NRG3: variants seen among roughly 807,000 people sequenced by gnomAD.
NRG3 encodes the protein pro-neuregulin-3, membrane-bound isoform.
In NRG3, 31 loss-of-function variants were observed where a neutral mutation model predicts 66.9. The ratio of observed to expected loss-of-function variants is 0.46; its 90% CI spans 0.35 to 0.63. NRG3 has a LOEUF of 0.63. Among genes scored for constraint, NRG3 ranks in the 20% least tolerant of loss-of-function variants. The pLI is 0.00. For synonymous variants in NRG3, 393 were observed against 359.4 expected (o/e 1.09, Z -1.06); for missense variants, 910 against 878.9 (o/e 1.04, Z -0.45).
intron 1 of NRG3, among the ~76,000 whole-genome samples, chr10:82,182,718 A>G (rs2073516357): frequency 6.6e-6 from 1 of 151,944 alleles, no homozygotes; most frequent in African/African-American, 2.4e-5. Context: ...ATTTATCTTT[A>G]CCAGTGAACT....
chr10:82,685,824 A>C (rs2134160831), intron 2 of NRG3, among the ~76,000 whole-genome samples: 1 of 152,120 alleles, frequency 6.6e-6, no homozygotes, highest in Non-Finnish European at 1.5e-5. Context: ...CTTTTTTCTT[A>C]AAAGCTGAGA....
intron 1 of NRG3, among the ~76,000 whole-genome samples, chr10:82,140,842 A>G (rs1555239): frequency 0.017 from 2,636 of 152,258 alleles, 82 homozygotes; most frequent in African/African-American, 0.059. Context: ...TTGTGCTGCT[A>G]ATGTCTCTTA....
At chr10:82,102,269 T>C (rs576523778) in intron 1 of NRG3, among the ~76,000 whole-genome samples, 1 of 149,734 alleles carries the variant, frequency 6.7e-6, no homozygotes, top group South Asian at 2.1e-4. Flanking sequence ...TTGTCTGATA[T>C]TGATATAGCC....
intron 1 of NRG3, among the ~76,000 whole-genome samples, chr10:81,922,083 C>G (rs1031329317): frequency 2.0e-5 from 3 of 151,868 alleles, no homozygotes; most frequent in African/African-American, 7.3e-5. Flanking sequence ...GTTTAAATGC[C>G]CACTATTGCT....
chr10:82,594,308 C>T (rs1281931122), intron 2 of NRG3, among the ~76,000 whole-genome samples: 1 of 152,124 alleles, frequency 6.6e-6, no homozygotes, highest in African/African-American at 2.4e-5. Flanking sequence ...TAGCCCCTGT[C>T]TAGCCTATCC....
At chr10:82,962,728 A>C (rs544821743) in intron 6 of NRG3, among the ~76,000 whole-genome samples, 10 of 152,014 alleles carry the variant, frequency 6.6e-5, no homozygotes, top group African/African-American at 2.4e-4. Context: ...AATTCCAGCT[A>C]CTCGGGAGGT....
intron 4 of NRG3, among the ~76,000 whole-genome samples, chr10:82,942,971 G>GT (rs1200813674): frequency 6.6e-6 from 1 of 151,174 alleles, no homozygotes; most frequent in Non-Finnish European, 1.5e-5. Flanking sequence ...AAAAAAATGA[G>GT]TTAAAAAAAA....
intron 4 of NRG3, among the ~76,000 whole-genome samples, chr10:82,939,482 TG>T (rs200247328): frequency 0.09 from 13,671 of 152,090 alleles, 825 homozygotes; most frequent in African/African-American, 0.15. Flanking sequence ...TTGTTGTTGT[TG>T]TTGTTTGAGA....
intron 3 of NRG3, among the ~76,000 whole-genome samples, chr10:82,836,248 T>C (rs184663103): frequency 6.6e-6 from 1 of 152,218 alleles, no homozygotes; most frequent in East Asian, 1.9e-4. Flanking sequence ...ATATTTACTA[T>C]CTGGCCTTTT....
At chr10:82,591,147 C>T (rs141604354) in intron 2 of NRG3, among the ~76,000 whole-genome samples, 279 of 152,258 alleles carry the variant, frequency 1.8e-3, no homozygotes, top group African/African-American at 6.4e-3. Context: ...GAGCATACGG[C>T]CCGGGTGACG....
At chr10:82,903,062 T>C (rs1422163437) in intron 4 of NRG3, among the ~76,000 whole-genome samples, 1 of 152,104 alleles carries the variant, frequency 6.6e-6, no homozygotes, top group Non-Finnish European at 1.5e-5. Context: ...ACAAATTTAC[T>C]ATAAAAAGTT....
At chr10:81,904,889 G>A (rs986917711) in intron 1 of NRG3, among the ~76,000 whole-genome samples, 1 of 152,068 alleles carries the variant, frequency 6.6e-6, no homozygotes, top group Admixed American at 6.6e-5. Context: ...GTTGCTGTGA[G>A]AATGAAAAGA....
intron 2 of NRG3, among the ~76,000 whole-genome samples, chr10:82,549,991 A>T (rs942251040): frequency 4.1e-4 from 62 of 152,226 alleles, no homozygotes; most frequent in African/African-American, 1.4e-3. Flanking sequence ...AAAAATAAGG[A>T]TTGTGTTGCT....
At chr10:82,724,106 A>C (rs1591316846) in intron 2 of NRG3, among the ~76,000 whole-genome samples, 1 of 152,228 alleles carries the variant, frequency 6.6e-6, no homozygotes, top group East Asian at 1.9e-4. Context: ...ATTTTTGTAT[A>C]AAATTAAGAT....
rs1449922562 is a variant in NRG3 at position 82,130,847 on chromosome 10, AAATTT to A, written c.824-227891_824-227887del. On this transcript the variant is annotated intron_variant, in intron 1 of 8. Transcript: ENST00000372141. ...TGCCATTCGTGTGTCTTTTTTTGAG[AAATTT>A]CTATTCAGATTTTTTGCCCATTTTA... is the stretch of plus-strand genomic sequence containing the variant. Among the ~76,000 whole-genome samples, 5 of 152,066 alleles carry A rather than the reference AAATTT, an allele frequency of 3.3e-5. No homozygotes were observed. In the East Asian group the frequency reaches 7.7e-4, roughly 24 times the overall value.
rs918678744 is a variant in NRG3, at chr10:82,958,950, A to G, written c.1159A>G (p.Lys387Glu). The change falls in exon 6 of 9, where the codon AAA becomes GAA. Residue 387 changes from lysine (K) to glutamate (E), a missense_variant and splice_region_variant. Lys to Glu is a moderately conservative substitution (Grantham distance 56). Transcript: ENST00000372141. ...GTACACGTTTATTTATGCCTGCAGG[A>G]AACAAGCTAAACAAATCCAAGAGCA... ...FCAAFYFKSK[K>E]QAKQIQEQLK... 2 of 1,579,870 alleles carry G rather than the reference A, an allele frequency of 1.3e-6. No homozygotes were observed. The highest frequency in any genetic ancestry group is 2.7e-5 in the African/African-American group (2 of 72,942).
chr10:82,605,893 A>T (rs1272807123), intron 2 of NRG3, among the ~76,000 whole-genome samples: 7 of 152,088 alleles, frequency 4.6e-5, no homozygotes, highest in Non-Finnish European at 1.0e-4. Context: ...TGGGATTATA[A>T]TCATGACCTC....
At chr10:82,236,320 T>C (rs1012282469) in intron 1 of NRG3, among the ~76,000 whole-genome samples, 11 of 152,146 alleles carry the variant, frequency 7.2e-5, no homozygotes, top group African/African-American at 2.7e-4. Flanking sequence ...AGAGGTCAGT[T>C]TTGTTCACAA....
chr10:82,151,190 C>G (rs552193726), intron 1 of NRG3, among the ~76,000 whole-genome samples: 2 of 152,296 alleles, frequency 1.3e-5, no homozygotes, highest in South Asian at 4.1e-4. Flanking sequence ...TGGACTCACA[C>G]AGACTGGGTC....
Sources: gnomAD v4.1 joint callset for allele counts (sites outside exome capture counted in the v4.1 genomes callset) on GRCh38, gnomAD v4.1.1 for gene constraint, MANE v1.5 for transcripts, NCBI Gene and HGNC (gene_info 2026-07-23, HGNC 2026-07-21) for gene names.